The following FRK variants were observed in gnomAD, a reference collection of about 807,000 sequenced individuals.
FRK encodes the protein fyn related Src family tyrosine kinase.
In FRK, 51 loss-of-function variants were observed where a neutral mutation model predicts 56.4. The observed-to-expected ratio is 0.90, with a 90% confidence interval of 0.72 to 1.14. The LOEUF is 1.14. FRK is among the 50% of genes most tolerant of loss of function. The pLI is 0.00. For missense variants in FRK, 570 were observed against 601.4 expected (o/e 0.95, Z 0.55); for synonymous variants, 245 against 217.9 (o/e 1.12, Z -1.10).
chr6:116,056,710 A>G (rs1199346366), intron 1 of FRK, among the ~76,000 whole-genome samples: 2 of 152,204 alleles, frequency 1.3e-5, no homozygotes, highest in Admixed American at 6.5e-5. Context: ...GTTCTGATTA[A>G]TAAGACCCTA....
chr6:116,082,010 T>C, the FRK span, among the ~76,000 whole-genome samples: 1 of 152,090 alleles, frequency 6.6e-6, no homozygotes, highest in East Asian at 1.9e-4. Context: ...AGATAAATGG[T>C]GTGTGGGAAA....
At chr6:116,099,289 A>C in the FRK span, among the ~76,000 whole-genome samples, 1 of 152,244 alleles carries the variant, frequency 6.6e-6, no homozygotes, top group Admixed American at 6.5e-5. Flanking sequence ...ATGTACTAGT[A>C]CATTTGTATT....
At chr6:116,012,459 T>C (rs1376407543) in intron 1 of FRK, among the ~76,000 whole-genome samples, 1 of 152,232 alleles carries the variant, frequency 6.6e-6, no homozygotes, top group Non-Finnish European at 1.5e-5. Context: ...TCCTCTGTTT[T>C]GATATGTAGC....
intron 2 of FRK, among the ~76,000 whole-genome samples, chr6:115,982,949 C>G (rs912772318): frequency 2.0e-5 from 3 of 151,654 alleles, no homozygotes; most frequent in Admixed American, 2.0e-4. Context: ...GCACACACCT[C>G]TAATCCCAGC....
At chr6:116,043,307 C>T (rs541579071) in intron 1 of FRK, among the ~76,000 whole-genome samples, 185 of 152,300 alleles carry the variant, frequency 1.2e-3, no homozygotes, top group Non-Finnish European at 2.1e-3. Context: ...CCACATTGCA[C>T]TTATTCTAAA....
chr6:116,016,171 A>C (rs1775642456), intron 1 of FRK, among the ~76,000 whole-genome samples: 1 of 152,130 alleles, frequency 6.6e-6, no homozygotes, highest in Admixed American at 6.5e-5. Context: ...AAATGGTCTC[A>C]TGGGCTGGGT....
chr6:116,031,045 C>G (rs761499643), intron 1 of FRK, among the ~76,000 whole-genome samples: 1 of 151,964 alleles, frequency 6.6e-6, no homozygotes, highest in Non-Finnish European at 1.5e-5. Context: ...TTAAAAAAAT[C>G]GTGCAAAACA....
rs868654201 is a variant in FRK, at chr6:116,059,830, A to G, written c.344+138T>C. On this transcript the variant is annotated intron_variant, in intron 1 of 7. Coordinates refer to ENST00000606080, the MANE Select transcript of FRK (RefSeq NM_002031.3). Reference sequence around the variant, plus strand: ...TTAGCGGGGGAGGTGTGTTTCAATTAGTGGTTTCTTGCCAGTACTTCCTCA... The same window carrying G: ...TTAGCGGGGGAGGTGTGTTTCAATTGGTGGTTTCTTGCCAGTACTTCCTCA... 6.4e-5 allele frequency: 46 copies of G among 722,140 alleles called. No individual in the cohort carries two copies. In the Middle Eastern group the frequency reaches 4.8e-3, roughly 75 times the overall value. The allele number at this position is 722,140 out of a possible 1,614,324, so 44.7% of individuals were successfully genotyped here.
chr6:115,985,592 C>T (rs775905503), intron 2 of FRK, among the ~76,000 whole-genome samples: 4 of 151,930 alleles, frequency 2.6e-5, no homozygotes, highest in Non-Finnish European at 4.4e-5. Context: ...AGCTGTGTGA[C>T]CTTGGACAGC....
upstream of FRK, among the ~76,000 whole-genome samples, chr6:116,061,999 AAAG>A (rs1197309774): frequency 6.6e-6 from 1 of 151,920 alleles, no homozygotes; most frequent in Non-Finnish European, 1.5e-5. Context: ...GAAAAGAAAG[AAAG>A]AAGGAAAGAA....
chr6:116,098,109 T>TTC, the FRK span, among the ~76,000 whole-genome samples: 1 of 120,576 alleles, frequency 8.3e-6, no homozygotes, highest in Admixed American at 8.5e-5. Flanking sequence ...GCTTTTTTTT[T>TTC]TTTTTTTTTT....
At chr6:115,995,336 AT>A (rs1372353571) in intron 2 of FRK, among the ~76,000 whole-genome samples, 1 of 152,168 alleles carries the variant, frequency 6.6e-6, no homozygotes, top group East Asian at 1.9e-4. Flanking sequence ...AAATGAAAAA[AT>A]CAAGGGGGTA....
chr6:116,099,942 C>T, the FRK span, among the ~76,000 whole-genome samples: 1 of 152,116 alleles, frequency 6.6e-6, no homozygotes, highest in African/African-American at 2.4e-5. Flanking sequence ...CCTTCACATC[C>T]GGAAATCAGG....
At chr6:115,967,776 A>C in intron 3 of FRK, 57 bp from the exon 4 acceptor site, 1 of 1,324,228 alleles carries the variant, frequency 7.6e-7, no homozygotes, top group Non-Finnish European at 1.0e-6. Context: ...ATTTAATATT[A>C]TTTTGTTGAA....
chr6:116,007,870 T>TG (rs1165715977), intron 1 of FRK, among the ~76,000 whole-genome samples: 1 of 152,106 alleles, frequency 6.6e-6, no homozygotes, highest in African/African-American at 2.4e-5. Flanking sequence ...ATTTGAAAGT[T>TG]GGGGCACATA....
intron 2 of FRK, among the ~76,000 whole-genome samples, chr6:115,986,026 A>G (rs1299333610): frequency 2.0e-5 from 3 of 151,364 alleles, no homozygotes; most frequent in Admixed American, 6.6e-5. Context: ...CTATTTTTAT[A>G]CCATTAATAT....
chr6:116,078,442 T>C, the FRK span, among the ~76,000 whole-genome samples: 4 of 152,142 alleles, frequency 2.6e-5, no homozygotes, highest in African/African-American at 9.7e-5. Context: ...CCTAAAGAGC[T>C]TGGGATGGAC....
Position 115,955,063 on chromosome 6 carries a change from T to A in FRK, c.958+1389A>T, listed in dbSNP as rs116465241. On this transcript the variant is annotated intron_variant, in intron 5 of 7. Transcript: ENST00000606080. ...GTATGATTCTCAAGTAAAGGGGGAATAAAATTTGGAGAATTGTCAGGACAT... is the reference window on the plus strand; with the variant it reads ...GTATGATTCTCAAGTAAAGGGGGAAAAAAATTTGGAGAATTGTCAGGACAT... 7.3e-3 allele frequency among the ~76,000 whole-genome samples: 1,118 copies of A among 152,140 alleles called. 15 individuals carry two copies. Among genetic ancestry groups the A allele is most frequent in the African/African-American group, 0.025 (1,056 of 41,508 alleles).
chr6:116,031,226 C>T (rs890823535), intron 1 of FRK, among the ~76,000 whole-genome samples: 2 of 151,964 alleles, frequency 1.3e-5, no homozygotes, highest in African/African-American at 4.8e-5. Flanking sequence ...CTTGGTAGCA[C>T]CTTAAAATGC....
Sources: allele counts gnomAD v4.1 joint callset (sites outside exome capture counted in the v4.1 genomes callset), GRCh38; gene constraint gnomAD v4.1.1; transcripts MANE v1.5; gene names NCBI Gene and HGNC (gene_info 2026-07-23, HGNC 2026-07-21).